The following TNS3 variants were observed in gnomAD, a reference collection of about 807,000 sequenced individuals.
TNS3 encodes the protein tensin 3.
In TNS3, 45 loss-of-function variants were observed where a neutral mutation model predicts 140.9. The observed-to-expected ratio is 0.32, with a 90% CI of 0.25 to 0.41. The LOEUF (loss-of-function observed/expected upper bound fraction) is 0.41. Ranked by LOEUF, TNS3 falls within the 10% of genes least tolerant of loss-of-function variation. The pLI is 1.00. For missense variants in TNS3, 1,716 were observed against 1,906.7 expected, an observed-to-expected ratio of 0.90 and a Z score of 1.86; for synonymous variants, 815 against 788.4, an observed-to-expected ratio of 1.03 and a Z score of -0.56.
chr7:47,474,883 C>CACACACACCGCA (rs1338093711), intron 4 of TNS3, among the ~76,000 whole-genome samples: 2 of 146,908 alleles, frequency 1.4e-5, no homozygotes, highest in Admixed American at 6.8e-5. Flanking sequence ...TCACACACAA[C>CACACACACCGCA]ACACACACCG....
chr7:47,439,736 C>T lies in TNS3; in HGVS notation c.-22-78G>A, dbSNP rs139477321. 9.3e-3 allele frequency: 13,754 copies of T among 1,478,812 alleles called. 81 individuals carry two copies. Among genetic ancestry groups the T allele is most frequent in the Non-Finnish European group, 0.011 (11,762 of 1,087,276 alleles). 91.6% of individuals were successfully genotyped at this position (1,478,812 alleles called of 1,614,324 possible). On this transcript the variant is annotated intron_variant, in intron 5 of 30. Coordinates refer to ENST00000311160, the MANE Select transcript of TNS3 (RefSeq NM_022748.12). ...TCATCCTCTAGGAAAAAGGTGAAGA[C>T]GACGGACACTCATCCCCTGGGTGTT...
chr7:47,400,372 G>A (rs199909226), intron 15 of TNS3, 21 bp downstream of exon 15: 1 of 1,611,898 alleles, frequency 6.2e-7, no homozygotes, highest in African/African-American at 1.3e-5. Flanking sequence ...GGACCACCCA[G>A]TATTCCACCA....
At chr7:47,429,555 G>A (rs748042852) in intron 8 of TNS3, among the ~76,000 whole-genome samples, 1 of 152,162 alleles carries the variant, frequency 6.6e-6, no homozygotes, top group Non-Finnish European at 1.5e-5. Flanking sequence ...TTTTAGTAGA[G>A]ATGGGGTTTC....
chr7:47,297,292 C>A (rs1786090095), intron 23 of TNS3, 79 bp from the exon 24 acceptor site: 1 of 1,491,588 alleles, frequency 6.7e-7, no homozygotes, highest in South Asian at 1.3e-5. Context: ...TTGGGTAGGT[C>A]CTCTCCCCTT....
chr7:47,278,236 C>A lies in TNS3; in HGVS notation c.4194-16G>T. On this transcript the variant is annotated splice_polypyrimidine_tract_variant and intron_variant, in intron 30 of 30. Transcript: ENST00000311160. The stretch of plus-strand genomic sequence containing the variant: ...TCCAAAGACTCTGCCAAAGGAAAGT[C>A]CAGTCAGAGTGGTCAGTGTCCCACA... The A allele has an allele frequency of 6.2e-7, 1 of 1,611,832 alleles. No individual in the cohort carries two copies. Among genetic ancestry groups the A allele is most frequent in the Non-Finnish European group, 8.5e-7 (1 of 1,179,010 alleles).
intron 1 of TNS3, among the ~76,000 whole-genome samples, chr7:47,556,226 T>C (rs887951699): frequency 6.6e-6 from 1 of 152,228 alleles, no homozygotes; most frequent in Admixed American, 6.5e-5. Context: ...AGTAAGAGGT[T>C]CTAGTAAACT....
intron 1 of TNS3, among the ~76,000 whole-genome samples, chr7:47,575,425 C>G (rs947391484): frequency 6.6e-6 from 1 of 152,090 alleles, no homozygotes; most frequent in Non-Finnish European, 1.5e-5. Context: ...GAATTTTTTC[C>G]TTTTTCCTTA....
At chr7:47,498,657 G>A (rs1392442262) in intron 3 of TNS3, among the ~76,000 whole-genome samples, 1 of 152,158 alleles carries the variant, frequency 6.6e-6, no homozygotes, top group Non-Finnish European at 1.5e-5. Flanking sequence ...GCAGGGCTAG[G>A]ACTTCCTACA....
intron 8 of TNS3, among the ~76,000 whole-genome samples, chr7:47,428,880 T>C (rs1794792426): frequency 6.6e-6 from 1 of 152,060 alleles, no homozygotes; most frequent in African/African-American, 2.4e-5. Flanking sequence ...TCATTACACA[T>C]AAAGGAACCA....
intron 1 of TNS3, among the ~76,000 whole-genome samples, chr7:47,578,972 T>A (rs75963942): frequency 1.5e-5 from 1 of 65,880 alleles, no homozygotes; most frequent in East Asian, 4.7e-4. Context: ...TCTCAGCGTT[T>A]TAGGAGCAGT....
chr7:47,521,184 A>G (rs1032809721), intron 2 of TNS3, among the ~76,000 whole-genome samples: 4 of 152,112 alleles, frequency 2.6e-5, no homozygotes, highest in Non-Finnish European at 5.9e-5. Flanking sequence ...GACAATGCCC[A>G]CACTCCCTGC....
chr7:47,535,380 AGCCATTTGAATT>A (rs1799563464), intron 1 of TNS3, among the ~76,000 whole-genome samples: 1 of 151,640 alleles, frequency 6.6e-6, no homozygotes, highest in African/African-American at 2.4e-5. Context: ...GCGAGGGCTC[AGCCATTTGAATT>A]GCTGGATCTC....
intron 4 of TNS3, among the ~76,000 whole-genome samples, chr7:47,457,720 C>T (rs1441243653): frequency 6.6e-6 from 1 of 152,224 alleles, no homozygotes; most frequent in Non-Finnish European, 1.5e-5. Context: ...TCTACCACCA[C>T]TCATCCTTTC....
At chr7:47,548,828 C>T (rs919809365) in intron 1 of TNS3, among the ~76,000 whole-genome samples, 11 of 152,148 alleles carry the variant, frequency 7.2e-5, no homozygotes, top group East Asian at 1.9e-4. Flanking sequence ...GGGCCATCCC[C>T]GAAGCACCGC....
intron 4 of TNS3, among the ~76,000 whole-genome samples, chr7:47,479,992 G>T (rs958346927): frequency 1.3e-5 from 2 of 152,224 alleles, no homozygotes; most frequent in Non-Finnish European, 1.5e-5. Flanking sequence ...GATGGGCAGG[G>T]GGCAAGGGCA....
chr7:47,574,649 C>CACACACACA (rs1314030341), intron 1 of TNS3, among the ~76,000 whole-genome samples: 2 of 134,878 alleles, frequency 1.5e-5, no homozygotes, highest in African/African-American at 5.3e-5. Context: ...ACACACACAC[C>CACACACACA]CCCACACACA....
At chr7:47,487,327 C>T (rs1797649764) in intron 3 of TNS3, among the ~76,000 whole-genome samples, 1 of 152,042 alleles carries the variant, frequency 6.6e-6, no homozygotes. Flanking sequence ...AGCGAGCACC[C>T]TCAAGTGTCA....
At chr7:47,559,142 G>C (rs1323129587) in intron 1 of TNS3, among the ~76,000 whole-genome samples, 1 of 152,186 alleles carries the variant, frequency 6.6e-6, no homozygotes, top group African/African-American at 2.4e-5. Flanking sequence ...ATGAGATCAG[G>C]AATTTGAGAC....
chr7:47,519,707 G>A (rs1310308075), intron 2 of TNS3, among the ~76,000 whole-genome samples: 1 of 151,756 alleles, frequency 6.6e-6, no homozygotes, highest in Non-Finnish European at 1.5e-5. Flanking sequence ...GGGCGAGGGT[G>A]ATAGGGGATC....
Sources: allele counts gnomAD v4.1 joint callset (sites outside exome capture counted in the v4.1 genomes callset), GRCh38; gene constraint gnomAD v4.1.1; transcripts MANE v1.5; gene names NCBI Gene and HGNC (gene_info 2026-07-23, HGNC 2026-07-21).